Variants in SLC30A8 observed in about 807,000 individuals in gnomAD.
SLC30A8 encodes the protein solute carrier family 30 member 8.
In SLC30A8, 27 loss-of-function variants were observed where a neutral mutation model predicts 36.9. The observed-to-expected ratio is 0.73, with a 90% CI of 0.54 to 1.01. The LOEUF (loss-of-function observed/expected upper bound fraction) is 1.01. Among genes scored for constraint, SLC30A8 ranks in the 50% least tolerant of loss-of-function variants. The pLI is 0.00. For missense variants in SLC30A8, 439 were observed against 452.0 expected (o/e 0.97, Z 0.26); for synonymous variants, 164 against 172.4 (o/e 0.95, Z 0.38).
At chr8:117,137,942 C>T (rs1821437423) in intron 1 of SLC30A8, among the ~76,000 whole-genome samples, 1 of 151,434 alleles carries the variant, frequency 6.6e-6, no homozygotes, top group Admixed American at 6.6e-5. Flanking sequence ...AGGCATTTTA[C>T]CACAGGAAGT....
intron 2 of SLC30A8, among the ~76,000 whole-genome samples, chr8:117,068,348 G>A (rs1244011882): frequency 1.3e-5 from 2 of 152,122 alleles, no homozygotes; most frequent in African/African-American, 4.8e-5. Flanking sequence ...ACAGCTTTAG[G>A]TTCAGATAGA....
At chr8:117,162,001 C>T in intron 5 of SLC30A8, 113 bp downstream of exon 5, 1 of 917,152 alleles carries the variant, frequency 1.1e-6, no homozygotes, top group Non-Finnish European at 1.6e-6. Flanking sequence ...CCTATACAAA[C>T]TACTTTGCAA....
chr8:117,106,067 A>G (rs552644925), intron 2 of SLC30A8, among the ~76,000 whole-genome samples: 30 of 152,056 alleles, frequency 2.0e-4, no homozygotes, highest in Non-Finnish European at 3.8e-4. Context: ...TTAATCTCTC[A>G]TTCTCTCACT....
chr8:117,135,319 C>A lies in SLC30A8; in HGVS notation c.-9C>A, dbSNP rs1367466999. The stretch of plus-strand genomic sequence containing the variant: ...ACGACAACAACAGCCGCAGCTCATC[C>A]TGGCCGTCATGGAGTTTCTTGAAAG... On this transcript the variant is annotated 5_prime_UTR_variant, in exon 1 of 8. The change creates a new upstream start codon in the 5' untranslated region. Transcript: ENST00000456015. 4 of 1,589,520 alleles carry A rather than the reference C, an allele frequency of 2.5e-6. No individual in the cohort carries two copies. Among genetic ancestry groups the A allele is most frequent in the Non-Finnish European group, 3.4e-6 (4 of 1,165,166 alleles).
intron 1 of SLC30A8, among the ~76,000 whole-genome samples, chr8:117,035,107 T>C (rs1273823879): frequency 1.3e-5 from 2 of 152,072 alleles, no homozygotes; most frequent in Non-Finnish European, 2.9e-5. Context: ...CCCTCCCAAA[T>C]CTCATGTCTC....
At chr8:117,167,844 T>G (rs775084012) in intron 6 of SLC30A8, among the ~76,000 whole-genome samples, 1 of 152,144 alleles carries the variant, frequency 6.6e-6, no homozygotes, top group East Asian at 1.9e-4. Context: ...ATTAGTATGT[T>G]TTTTCACTGC....
intron 1 of SLC30A8, among the ~76,000 whole-genome samples, chr8:116,989,594 C>T (rs532066082): frequency 6.6e-6 from 1 of 152,002 alleles, no homozygotes; most frequent in Admixed American, 6.6e-5. Context: ...TCCCATTTAC[C>T]TCATCTCAAG....
Position 117,175,752 on chromosome 8 carries a change from T to TTGAG in SLC30A8, c.*3073_*3076dup, listed in dbSNP as rs1823648487. The TTGAG allele has an allele frequency of 6.6e-6, 1 of 152,092 alleles. No homozygotes were observed. Among genetic ancestry groups the TTGAG allele is most frequent in the South Asian group, 2.1e-4 (1 of 4,828 alleles). 9.4% of individuals were successfully genotyped at this position (152,092 alleles called of 1,614,324 possible). ...AAATCATCTCAACTTTTGAGAAATT[T>TTGAG]TGAGTTATCAACACCGTTCCCACAA... On this transcript the variant is annotated 3_prime_UTR_variant, in exon 8 of 8. Coordinates refer to ENST00000456015, the MANE Select transcript of SLC30A8 (RefSeq NM_173851.3).
At chr8:117,067,391 C>T (rs1033070076) in intron 2 of SLC30A8, among the ~76,000 whole-genome samples, 4 of 151,852 alleles carry the variant, frequency 2.6e-5, no homozygotes, top group Non-Finnish European at 5.9e-5. Flanking sequence ...TTCTTACTGC[C>T]ATATCACCAT....
intron 2 of SLC30A8, chr8:117,055,887 A>T (rs569267489): frequency 1.3e-5 from 2 of 152,326 alleles, no homozygotes; most frequent in East Asian, 3.9e-4. Context: ...ATGAAGAGGG[A>T]TCTGCAGACT....
intron 4 of SLC30A8, among the ~76,000 whole-genome samples, chr8:117,160,538 C>T (rs1586606283): frequency 6.6e-6 from 1 of 152,044 alleles, no homozygotes; most frequent in South Asian, 2.1e-4. Flanking sequence ...TTTCACTCAC[C>T]TTTATGGCCC....
At chr8:117,074,249 G>A (rs757715102) in intron 2 of SLC30A8, among the ~76,000 whole-genome samples, 4 of 152,104 alleles carry the variant, frequency 2.6e-5, no homozygotes, top group East Asian at 1.9e-4. Flanking sequence ...TTTGAAGGGC[G>A]CAGTATTATA....
At chr8:117,044,506 TGGAGGAG>T (rs1817484924) in intron 2 of SLC30A8, among the ~76,000 whole-genome samples, 1 of 152,168 alleles carries the variant, frequency 6.6e-6, no homozygotes, top group Non-Finnish European at 1.5e-5. Flanking sequence ...CAACTGGGTT[TGGAGGAG>T]AAAGCCAAAG....
At chr8:116,969,739 A>C (rs576549186) in intron 1 of SLC30A8, among the ~76,000 whole-genome samples, 1 of 152,300 alleles carries the variant, frequency 6.6e-6, no homozygotes, top group Middle Eastern at 3.4e-3. Flanking sequence ...TGTGTATCTA[A>C]ACATATTAAA....
chr8:117,080,203 G>T (rs2130810515), intron 2 of SLC30A8, among the ~76,000 whole-genome samples: 1 of 151,886 alleles, frequency 6.6e-6, no homozygotes, highest in South Asian at 2.1e-4. Flanking sequence ...ATAATCCATG[G>T]TCATTATAGA....
chr8:116,972,865 AT>A (rs1289833455), intron 1 of SLC30A8, among the ~76,000 whole-genome samples: 1 of 152,058 alleles, frequency 6.6e-6, no homozygotes, highest in Non-Finnish European at 1.5e-5. Context: ...AAGCCCTCTA[AT>A]TTTTAACTAG....
intron 1 of SLC30A8, among the ~76,000 whole-genome samples, chr8:117,027,128 A>G (rs150597596): frequency 4.7e-4 from 71 of 152,244 alleles, no homozygotes; most frequent in African/African-American, 1.6e-3. Flanking sequence ...GAATGAAAAC[A>G]TGGTGTATTT....
intron 1 of SLC30A8, among the ~76,000 whole-genome samples, chr8:116,962,639 A>G (rs766552128): frequency 1.3e-5 from 2 of 152,038 alleles, no homozygotes; most frequent in South Asian, 4.2e-4. Flanking sequence ...AAGAGCAAAC[A>G]GTAAAAGTCC....
chr8:117,112,108 C>T (rs974168633), intron 2 of SLC30A8, among the ~76,000 whole-genome samples: 4 of 152,108 alleles, frequency 2.6e-5, no homozygotes, highest in African/African-American at 9.7e-5. Flanking sequence ...TCTCCTCTAA[C>T]CCCATTTCTT....
Sources: gnomAD v4.1 joint callset for allele counts (sites outside exome capture counted in the v4.1 genomes callset) on GRCh38, gnomAD v4.1.1 for gene constraint, MANE v1.5 for transcripts, NCBI Gene and HGNC (gene_info 2026-07-23, HGNC 2026-07-21) for gene names.